Variants in STX8 observed in about 807,000 individuals in gnomAD.
STX8 encodes the protein syntaxin-8.
In STX8, 23 loss-of-function variants were observed where a neutral mutation model predicts 37.5. The observed-to-expected ratio is 0.61, with a 90% CI of 0.44 to 0.87. The LOEUF (loss-of-function observed/expected upper bound fraction) is 0.87. STX8 is among the 40% of genes least tolerant of loss of function. STX8 has a pLI of 0.00. For missense variants in STX8, 313 were observed against 284.7 expected (o/e 1.10, Z -0.71); for synonymous variants, 115 against 99.1 (o/e 1.16, Z -0.95).
At chr17:9,505,501 A>G (rs1904789378) in intron 4 of STX8, among the ~76,000 whole-genome samples, 2 of 152,216 alleles carry the variant, frequency 1.3e-5, no homozygotes, top group African/African-American at 4.8e-5. Flanking sequence ...AAGGCCGAAC[A>G]GCGGCCTTTT....
intron 4 of STX8, among the ~76,000 whole-genome samples, chr17:9,543,510 G>T (rs1363947378): frequency 6.6e-6 from 1 of 152,058 alleles, no homozygotes; most frequent in Non-Finnish European, 1.5e-5. Context: ...TCACCTTGTT[G>T]CCCAGGCTGG....
chr17:9,433,537 T>C (rs565983645), intron 6 of STX8, among the ~76,000 whole-genome samples: 1 of 152,274 alleles, frequency 6.6e-6, no homozygotes, highest in Non-Finnish European at 1.5e-5. Context: ...TCCTCCTCCA[T>C]AGATTGTGAT....
intron 4 of STX8, among the ~76,000 whole-genome samples, chr17:9,529,074 T>A (rs927900027): frequency 6.6e-6 from 1 of 152,116 alleles, no homozygotes; most frequent in Non-Finnish European, 1.5e-5. Context: ...TGGAGGGTGA[T>A]ATAATTCCTT....
At chr17:9,421,550 T>C (rs1434175813) in intron 6 of STX8, among the ~76,000 whole-genome samples, 2 of 151,938 alleles carry the variant, frequency 1.3e-5, no homozygotes, top group Admixed American at 1.3e-4. Context: ...GCTTTATCCT[T>C]TCCCCTGCTC....
chr17:9,268,149 G>A (rs1363879344), intron 7 of STX8, among the ~76,000 whole-genome samples: 1 of 152,136 alleles, frequency 6.6e-6, no homozygotes, highest in Non-Finnish European at 1.5e-5. Context: ...TATTGCTGCA[G>A]TGAGATGCTT....
intron 6 of STX8, among the ~76,000 whole-genome samples, chr17:9,475,962 C>T (rs779184697): frequency 4.6e-5 from 7 of 152,168 alleles, no homozygotes; most frequent in Admixed American, 6.5e-5. Context: ...CGGCGGATCA[C>T]GAGGTCAGGA....
At chr17:9,419,357 G>C (rs985151783) in intron 6 of STX8, among the ~76,000 whole-genome samples, 1 of 152,120 alleles carries the variant, frequency 6.6e-6, no homozygotes, top group African/African-American at 2.4e-5. Flanking sequence ...GGACTGTATA[G>C]GCATAAGCCA....
intron 5 of STX8, among the ~76,000 whole-genome samples, chr17:9,504,436 G>A (rs1325607286): frequency 2.0e-5 from 3 of 152,032 alleles, no homozygotes. Flanking sequence ...TCTTGTGTTT[G>A]GAGACTAATT....
intron 5 of STX8, among the ~76,000 whole-genome samples, chr17:9,496,050 T>C (rs1169375054): frequency 1.3e-5 from 2 of 148,830 alleles, no homozygotes; most frequent in African/African-American, 2.5e-5. Context: ...GAAGAAACCA[T>C]ACCATGCAGT....
chr17:9,394,538 A>T (rs1423924811), intron 6 of STX8, among the ~76,000 whole-genome samples: 1 of 151,204 alleles, frequency 6.6e-6, no homozygotes, highest in African/African-American at 2.4e-5. Flanking sequence ...CTAACTTTTG[A>T]CAGTTTAGTA....
chr17:9,529,266 AGAGAGAGT>A (rs1437704960), intron 4 of STX8, among the ~76,000 whole-genome samples: 3 of 143,264 alleles, frequency 2.1e-5, no homozygotes, highest in South Asian at 4.8e-4. Flanking sequence ...AGAGAGAGAG[AGAGAGAGT>A]GTGTGGGTGC....
At chr17:9,309,524 G>T (rs1909118451) in intron 7 of STX8, among the ~76,000 whole-genome samples, 2 of 152,118 alleles carry the variant, frequency 1.3e-5, no homozygotes, top group African/African-American at 2.4e-5. Context: ...CTTATGAAAT[G>T]ATTAAACTCT....
intron 3 of STX8, among the ~76,000 whole-genome samples, chr17:9,547,971 T>A (rs528843194): frequency 1.8e-3 from 267 of 151,990 alleles, no homozygotes; most frequent in African/African-American, 6.2e-3. Flanking sequence ...TTGTGGGTTT[T>A]TTTGAGAGAC....
At chr17:9,562,930 A>G (rs1567611319) in intron 2 of STX8, among the ~76,000 whole-genome samples, 2 of 152,072 alleles carry the variant, frequency 1.3e-5, no homozygotes, top group Non-Finnish European at 2.9e-5. Context: ...TTTTTAAAGG[A>G]CAAGGTTATT....
At chr17:9,440,451 G>A (rs1375714353) in intron 6 of STX8, among the ~76,000 whole-genome samples, 1 of 151,856 alleles carries the variant, frequency 6.6e-6, no homozygotes, top group Non-Finnish European at 1.5e-5. Context: ...CCAATTTACT[G>A]CAGTTATCTC....
intron 7 of STX8, among the ~76,000 whole-genome samples, chr17:9,251,214 G>A (rs1906563719): frequency 6.6e-6 from 1 of 152,144 alleles, no homozygotes; most frequent in South Asian, 2.1e-4. Context: ...GAGAGCACAG[G>A]CCCTCCTAGC....
chr17:9,433,261 G>C (rs1914039328), intron 6 of STX8, among the ~76,000 whole-genome samples: 3 of 152,344 alleles, frequency 2.0e-5, no homozygotes, highest in African/African-American at 7.2e-5. Context: ...CTTCACTTAT[G>C]ATGAGCTAGA....
chr17:9,428,841 G>A (rs1296805027), intron 6 of STX8, among the ~76,000 whole-genome samples: 1 of 152,082 alleles, frequency 6.6e-6, no homozygotes, highest in African/African-American at 2.4e-5. Context: ...CACATTATAA[G>A]AGCTCAATAG....
chr17:9,333,582 G>A (rs1262810722), intron 7 of STX8, among the ~76,000 whole-genome samples: 3 of 152,040 alleles, frequency 2.0e-5, no homozygotes, highest in Non-Finnish European at 2.9e-5. Context: ...GTAGAGATGG[G>A]GTTTCACTGT....
Sources: allele counts gnomAD v4.1 joint callset (sites outside exome capture counted in the v4.1 genomes callset), GRCh38; gene constraint gnomAD v4.1.1; transcripts MANE v1.5; gene names NCBI Gene and HGNC (gene_info 2026-07-23, HGNC 2026-07-21).